IRAK1BP1: variants seen among roughly 807,000 people sequenced by gnomAD.
IRAK1BP1 encodes the protein interleukin-1 receptor-associated kinase 1-binding protein 1.
Under a neutral mutation model 28.0 loss-of-function variants are expected in IRAK1BP1, and 24 were observed. That is an observed-to-expected ratio of 0.86 (90% CI 0.62 to 1.20). The LOEUF is 1.20. Ranked by LOEUF, IRAK1BP1 falls within the 50% of genes most tolerant of loss-of-function variation. IRAK1BP1 has a pLI of 0.00. For missense variants in IRAK1BP1, 336 were observed against 316.7 expected (o/e 1.06, Z -0.46); for synonymous variants, 131 against 116.3 (o/e 1.13, Z -0.81).
chr6:78,904,628 T>G (rs1161831576), downstream of IRAK1BP1, among the ~76,000 whole-genome samples: 1 of 152,208 alleles, frequency 6.6e-6, no homozygotes, highest in East Asian at 1.9e-4. Context: ...TGTTCTTCCA[T>G]TGAATCAGTC....
At chr6:78,929,002 G>T (rs1206500514) in intron 4 of IRAK1BP1, among the ~76,000 whole-genome samples, 1 of 152,082 alleles carries the variant, frequency 6.6e-6, no homozygotes, top group Non-Finnish European at 1.5e-5. Context: ...TCTGGTTTTG[G>T]TATTAGGGGA....
chr6:78,875,546 A>T (rs150286965), intron 1 of IRAK1BP1, among the ~76,000 whole-genome samples: 55 of 152,372 alleles, frequency 3.6e-4, no homozygotes, highest in South Asian at 3.5e-3. Flanking sequence ...AATACTGTGT[A>T]GCCATAAAAA....
intron 4 of IRAK1BP1, among the ~76,000 whole-genome samples, chr6:78,926,064 C>A (rs980109264): frequency 4.0e-5 from 6 of 151,578 alleles, no homozygotes; most frequent in East Asian, 1.9e-4. Context: ...GGGTGAAGAT[C>A]AAAAAATGCT....
chr6:78,897,879 T>C lies in IRAK1BP1; in HGVS notation c.432T>C (p.Phe144=), dbSNP rs777280517. ...GAAAAATGCAAAATATTTGTAACTT[T>C]CTTGTTGAAAAGCTAGATAGCTCTG... The part of the protein sequence containing the change: ...EFGKMQNICN[F]LVEKLDSSVV... The change falls in exon 3 of 4, where the codon TTT becomes TTC. Residue 144 remains phenylalanine (F), a synonymous_variant. Coordinates refer to ENST00000369940, the MANE Select transcript of IRAK1BP1 (RefSeq NM_001010844.4). 6.2e-7 allele frequency: 1 copy of C among 1,613,770 alleles called. No individual in the cohort carries two copies.
chr6:78,932,423 T>TTC lies in IRAK1BP1; in HGVS notation c.*68-12984_*68-12983insCT, dbSNP rs1417475143. On this transcript the variant is annotated intron_variant and NMD_transcript_variant, in intron 4 of 4. Coordinates refer to the IRAK1BP1 transcript ENST00000606868. Reference sequence around the variant, plus strand: ...ATGTATTTCTTTTCTTTCTTTTTCTTTTTTTTTTTTTTTTTGAGATGGAGT... The same window carrying TTC: ...ATGTATTTCTTTTCTTTCTTTTTCTTTCTTTTTTTTTTTTTTTGAGATGGAGT... Among the ~76,000 whole-genome samples, 24 of 144,708 alleles carry TTC rather than the reference T, an allele frequency of 1.7e-4. No individual in the cohort carries two copies. The East Asian group carries it at 2.6e-3, about 16-fold the overall frequency. 94.9% of individuals were successfully genotyped at this position (144,708 alleles called of 152,430 possible).
the IRAK1BP1 span, chr6:78,978,684 T>C: frequency 6.3e-7 from 1 of 1,595,408 alleles, no homozygotes; most frequent in South Asian, 1.1e-5. Flanking sequence ...GTCAAACCAT[T>C]TTCAGTTAGT....
At chr6:78,943,712 C>G (rs979390867) in intron 4 of IRAK1BP1, among the ~76,000 whole-genome samples, 3 of 151,898 alleles carry the variant, frequency 2.0e-5, no homozygotes, top group African/African-American at 7.3e-5. Context: ...CTTGGCTGGG[C>G]GTGGTGGCTC....
chr6:78,904,160 A>T (rs1489940019), downstream of IRAK1BP1, among the ~76,000 whole-genome samples: 2 of 152,234 alleles, frequency 1.3e-5, no homozygotes, highest in African/African-American at 4.8e-5. Context: ...GTGTTTGCAC[A>T]TTTTGCAGTC....
At chr6:78,870,187 T>A (rs1430153379) in intron 1 of IRAK1BP1, among the ~76,000 whole-genome samples, 1 of 149,438 alleles carries the variant, frequency 6.7e-6, no homozygotes, top group African/African-American at 2.5e-5. Context: ...TCCTCCCCTC[T>A]ATTGTATTTT....
the IRAK1BP1 span, among the ~76,000 whole-genome samples, chr6:78,966,275 C>A: frequency 1.3e-5 from 2 of 152,138 alleles, no homozygotes; most frequent in African/African-American, 4.8e-5. Flanking sequence ...GTTTTCAATT[C>A]TATTTTTTAT....
the IRAK1BP1 span, among the ~76,000 whole-genome samples, chr6:78,972,757 G>T: frequency 6.6e-6 from 1 of 152,246 alleles, no homozygotes; most frequent in East Asian, 1.9e-4. Flanking sequence ...CCGATGCGAT[G>T]AACTGGAAGA....
chr6:78,961,599 C>T, the IRAK1BP1 span: 3 of 1,321,538 alleles, frequency 2.3e-6, no homozygotes, highest in Non-Finnish European at 2.1e-6. Flanking sequence ...TTCCTATATA[C>T]AAAAAGTTGA....
chr6:78,975,244 A>G, the IRAK1BP1 span, among the ~76,000 whole-genome samples: 1 of 152,266 alleles, frequency 6.6e-6, no homozygotes, highest in South Asian at 2.1e-4. Context: ...AATGTAATCC[A>G]GCATATAAAC....
At chr6:78,930,445 CAAG>C (rs1353911665) in intron 4 of IRAK1BP1, among the ~76,000 whole-genome samples, 1 of 151,990 alleles carries the variant, frequency 6.6e-6, no homozygotes, top group Non-Finnish European at 1.5e-5. Flanking sequence ...TTTGCAAATT[CAAG>C]GTTTAAAAAT....
chr6:78,890,669 A>T (rs559569597), intron 2 of IRAK1BP1, among the ~76,000 whole-genome samples: 1 of 152,346 alleles, frequency 6.6e-6, no homozygotes, highest in East Asian at 1.9e-4. Flanking sequence ...CAGAAATCTG[A>T]ACAGCAATTG....
At chr6:78,963,973 C>T in the IRAK1BP1 span, among the ~76,000 whole-genome samples, 14 of 152,178 alleles carry the variant, frequency 9.2e-5, no homozygotes, top group Admixed American at 7.9e-4. Flanking sequence ...CAGTAACCAC[C>T]CTTCAATATA....
intron 4 of IRAK1BP1, chr6:78,940,053 C>G (rs1380099548): frequency 9.5e-6 from 1 of 105,216 alleles, no homozygotes; most frequent in Non-Finnish European, 2.0e-5. Context: ...GGATATGTTT[C>G]CCTTCATCAG....
chr6:78,958,653 G>A, the IRAK1BP1 span: 1 of 1,077,094 alleles, frequency 9.3e-7, no homozygotes, highest in Non-Finnish European at 1.4e-6. Context: ...AGAAATATGT[G>A]TACATCATTT....
chr6:78,969,456 T>C, the IRAK1BP1 span, among the ~76,000 whole-genome samples: 3 of 152,208 alleles, frequency 2.0e-5, no homozygotes, highest in Non-Finnish European at 4.4e-5. Flanking sequence ...AAGATTATAA[T>C]AGGATTAACC....
Sources: allele counts gnomAD v4.1 joint callset (sites outside exome capture counted in the v4.1 genomes callset), GRCh38; gene constraint gnomAD v4.1.1; transcripts MANE v1.5; gene names NCBI Gene and HGNC (gene_info 2026-07-23, HGNC 2026-07-21).